SALL1: variants seen among roughly 807,000 people sequenced by gnomAD.
SALL1 encodes the protein sal-like protein 1.
Under a neutral mutation model 73.1 loss-of-function variants are expected in SALL1, and 10 were observed. That is an observed-to-expected ratio of 0.14 (90% CI 0.08 to 0.23). SALL1 has a LOEUF of 0.23. Among genes scored for constraint, SALL1 ranks in the 10% least tolerant of loss-of-function variants. The probability of loss-of-function intolerance (pLI) is 1.00; values close to 1 mark genes in which losing one functional copy is unlikely to be tolerated. For synonymous variants in SALL1, 688 were observed against 689.8 expected (o/e 1.00, Z 0.04); for missense variants, 1,520 against 1,697.3 (o/e 0.90, Z 1.84).
intron 1 of SALL1, among the ~76,000 whole-genome samples, chr16:51,146,856 C>T (rs962524291): frequency 1.3e-5 from 2 of 152,108 alleles, no homozygotes; most frequent in Admixed American, 1.3e-4. Flanking sequence ...TAACTTTCCA[C>T]CTCTTTTGCC....
At chr16:51,148,450 T>C (rs965013861) in intron 1 of SALL1, among the ~76,000 whole-genome samples, 2 of 152,262 alleles carry the variant, frequency 1.3e-5, no homozygotes, top group African/African-American at 2.4e-5. Flanking sequence ...TCAAAGACCA[T>C]CTCAAGACAT....
intron 1 of SALL1, among the ~76,000 whole-genome samples, chr16:51,147,809 A>ACACACACACACACG: frequency 6.9e-6 from 1 of 145,210 alleles, no homozygotes; most frequent in Admixed American, 7.0e-5. Context: ...ACACACACAC[A>ACACACACACACACG]TGCACACATG....
chr16:51,142,157 A>G lies in SALL1; in HGVS notation c.77-12T>C, dbSNP rs776960994. On this transcript the variant is annotated splice_polypyrimidine_tract_variant and intron_variant, in intron 1 of 2. Coordinates refer to ENST00000251020, the MANE Select transcript of SALL1 (RefSeq NM_002968.3). Reference sequence around the variant, plus strand: ...CTTTTCTGTGTCTCCTACAAATGTCAAAAAGGTGCAGGATTAGAAAAGGGG... The same window carrying G: ...CTTTTCTGTGTCTCCTACAAATGTCGAAAAGGTGCAGGATTAGAAAAGGGG... 7.5e-6 allele frequency: 12 copies of G among 1,598,928 alleles called. No homozygotes were observed. The highest frequency in any genetic ancestry group is 9.4e-6 in the Non-Finnish European group (11 of 1,168,134).
intron 1 of SALL1, among the ~76,000 whole-genome samples, chr16:51,145,098 TAA>T (rs3037182): frequency 1.7e-3 from 248 of 145,554 alleles, no homozygotes; most frequent in East Asian, 0.012. Context: ...GTCTTTTACT[TAA>T]AAAAAAAAAA....
chr16:51,151,499 T>G (rs1962606600), upstream of SALL1: 1 of 166,144 alleles, frequency 6.0e-6, no homozygotes, highest in Admixed American at 6.4e-5. Context: ...TCAAACCCGC[T>G]CGCCTTAATC....
At chr16:51,148,225 A>G (rs1395630657) in intron 1 of SALL1, among the ~76,000 whole-genome samples, 1 of 152,192 alleles carries the variant, frequency 6.6e-6, no homozygotes, top group Non-Finnish European at 1.5e-5. Flanking sequence ...GTAAGCACAC[A>G]CACACTCAAA....
At chr16:51,150,351 C>G in intron 1 of SALL1, 3 of 954,096 alleles carry the variant, frequency 3.1e-6, no homozygotes, top group Non-Finnish European at 2.5e-6. Context: ...AAGTAGGGAG[C>G]ACCACGATCC....
At position 51,141,323 on chromosome 16, in the gene SALL1, G is replaced by A; in HGVS notation, c.899C>T (p.Ala300Val). ...GGCAGATTGGCTGGCGAGGCTCTGT[G>A]CCAATCCAGCTGCTGCTGCCAGCTG... ...SQQLAAAAGLAQSLASQSASI... is the reference protein window; with the variant it reads ...SQQLAAAAGLVQSLASQSASI... Residue 300 changes from alanine to valine, a missense_variant, in exon 2 of 3, where the codon GCA becomes GTA. This residue lies in a region of SALL1 where 540 missense variants were observed against 567.5 expected (regional missense o/e 0.95). Transcript: ENST00000251020. The surrounding 1 kb of genome is among the most constrained non-coding windows in gnomAD (Gnocchi z 5.4). 6.2e-7 allele frequency: 1 copy of A among 1,613,740 alleles called. No individual in the cohort carries two copies. The highest frequency in any genetic ancestry group is 8.5e-7 in the Non-Finnish European group (1 of 1,180,046).
At chr16:51,146,901 T>C (rs1210397881) in intron 1 of SALL1, among the ~76,000 whole-genome samples, 2 of 152,186 alleles carry the variant, frequency 1.3e-5, no homozygotes, top group Admixed American at 6.5e-5. Flanking sequence ...AAGAATATTT[T>C]TGGAATATTC....
At position 51,137,216 on chromosome 16, in the gene SALL1, T is replaced by G; in HGVS notation, c.3871A>C (p.Asn1291His). Residue 1291 changes from asparagine (N) to histidine (H), a missense_variant, in exon 3 of 3, where the codon AAT becomes CAT. Asn to His is a moderately conservative substitution (Grantham distance 68). Coordinates refer to ENST00000251020, the MANE Select transcript of SALL1 (RefSeq NM_002968.3). ...TTCTCCAGGCCGGCCAGGGGAGCAT[T>G]GGGCTCTGAGTTCTGGAGCCTCTCC... Reference protein sequence around the residue: ...NLERLQNSEPNAPLAGLEKMA... With the variant: ...NLERLQNSEPHAPLAGLEKMA... 1 of 1,614,094 alleles carries G rather than the reference T, an allele frequency of 6.2e-7. No homozygotes were observed.
At chr16:51,151,826 G>T (rs1386171814), upstream of SALL1, among the ~76,000 whole-genome samples, 1 of 151,488 alleles carries the variant, frequency 6.6e-6, no homozygotes, top group South Asian at 2.1e-4. Context: ...GGGGGGTGGG[G>T]CCGGGCGGCG....
At position 51,139,507 on chromosome 16, in the gene SALL1, C is replaced by A. The variant is rs1962373174; in HGVS notation, c.2715G>T (p.Val905=). 1.2e-6 allele frequency: 2 copies of A among 1,614,226 alleles called. No individual in the cohort carries two copies. The highest frequency in any genetic ancestry group is 1.7e-6 in the Non-Finnish European group (2 of 1,180,048). Residue 905 remains valine, a synonymous_variant, in exon 2 of 3, where the codon GTG becomes GTT. Transcript: ENST00000251020. ...CACTTTGGCTTTCCATGTCACCACC[C>A]ACTGAGGATGAATCATTGGTCAGGA... is the stretch of plus-strand genomic sequence containing the variant. The part of the protein sequence containing the change: ...GDVLTNDSSS[V]GGDMESQSAG...
chr16:51,151,310 A>C, upstream of SALL1: 9 of 1,208,774 alleles, frequency 7.4e-6, no homozygotes, highest in Non-Finnish European at 8.7e-6. Context: ...AATTACGGAA[A>C]TCGAGCGGCG....
At chr16:51,142,206 C>T in intron 1 of SALL1, 61 bp from the exon 2 acceptor site, 2 of 1,279,420 alleles carry the variant, frequency 1.6e-6, no homozygotes, top group South Asian at 1.2e-5. Context: ...TCACCTATGA[C>T]TTAAAAAAAA....
Position 51,140,898 on chromosome 16 carries a change from A to G in SALL1, c.1324T>C (p.Ser442Pro). 6.2e-7 allele frequency: 1 copy of G among 1,614,182 alleles called. No homozygotes were observed. Among genetic ancestry groups the G allele is most frequent in the Non-Finnish European group, 8.5e-7 (1 of 1,180,036 alleles). Residue 442 changes from serine (S) to proline (P), a missense_variant, in exon 2 of 3, where the codon TCC becomes CCC. Coordinates refer to ENST00000251020, the MANE Select transcript of SALL1 (RefSeq NM_002968.3). The surrounding 1 kb of genome is among the most constrained non-coding windows in gnomAD (Gnocchi z 5.7). ...NVTAFEAKST[S>P]DEAFFKHKCR... is the part of the protein sequence containing the mutation. ...TTGTGTTTGAAGAATGCCTCATCGGAAGTACTTTTCGCTTCAAAGGCAGTG... is the reference window on the plus strand; with the variant it reads ...TTGTGTTTGAAGAATGCCTCATCGGGAGTACTTTTCGCTTCAAAGGCAGTG...
rs371503908 is a variant in SALL1, at chr16:51,140,857, C to T, written c.1365G>A (p.Ala455=). The T allele has an allele frequency of 1.4e-5, 23 of 1,614,228 alleles. 1 individual carries two copies. The highest frequency in any genetic ancestry group is 1.6e-4 in the Middle Eastern group (1 of 6,062). Residue 455 remains alanine, a synonymous_variant, in exon 2 of 3, where the codon GCG becomes GCA. Coordinates refer to ENST00000251020, the MANE Select transcript of SALL1 (RefSeq NM_002968.3). This position sits in a 1 kb window ranked among gnomAD's most constrained non-coding sequence, Gnocchi z 5.7. Reference sequence around the variant, plus strand: ...AGGCACTGTCACTCCCAAAGACCTTCGCGCAGAACCTGCACTTGTGTTTGA... The same window carrying T: ...AGGCACTGTCACTCCCAAAGACCTTTGCGCAGAACCTGCACTTGTGTTTGA... ...AFFKHKCRFC[A]KVFGSDSALQ...
intron 1 of SALL1, among the ~76,000 whole-genome samples, chr16:51,145,483 T>C (rs191467630): frequency 7.9e-5 from 12 of 152,268 alleles, no homozygotes; most frequent in African/African-American, 1.9e-4. Context: ...TTTCTAAGTA[T>C]GTGCACACAA....
At chr16:51,137,629 G>A in intron 2 of SALL1, 77 bp from the exon 3 acceptor site, 1 of 1,136,928 alleles carries the variant, frequency 8.8e-7, no homozygotes, top group Admixed American at 1.9e-5. Context: ...AAGCTTAATA[G>A]CTGAATCTGT....
chr16:51,142,871 C>T (rs1211429817), intron 1 of SALL1, among the ~76,000 whole-genome samples: 1 of 152,190 alleles, frequency 6.6e-6, no homozygotes, highest in African/African-American at 2.4e-5. Flanking sequence ...TATATCACCC[C>T]ATGGCATGTT....
Sources: gnomAD v4.1 joint callset for allele counts (sites outside exome capture counted in the v4.1 genomes callset) on GRCh38, gnomAD v4.1.1 for gene constraint, gnomAD v4.1.1 regional missense constraint, Gnocchi (gnomAD v3.1) non-coding constraint, MANE v1.5 for transcripts, NCBI Gene and HGNC (gene_info 2026-07-23, HGNC 2026-07-21) for gene names.